The following ZZZ3 variants were observed in gnomAD, a reference collection of about 807,000 sequenced individuals.
The protein encoded by ZZZ3 is ZZ-type zinc finger-containing protein 3.
A neutral mutation model predicts 95.2 loss-of-function variants in ZZZ3; 22 were observed. The ratio of observed to expected loss-of-function variants is 0.23; its 90% CI spans 0.17 to 0.33. The LOEUF (loss-of-function observed/expected upper bound fraction) is 0.33, where lower values mean the gene tolerates loss of function less well. ZZZ3 is among the 10% of genes least tolerant of loss of function. The pLI is 1.00. For synonymous variants in ZZZ3, 335 were observed against 358.9 expected (o/e 0.93, Z 0.75); for missense variants, 885 against 1,066.5 (o/e 0.83, Z 2.37).
intron 5 of ZZZ3, among the ~76,000 whole-genome samples, chr1:77,623,167 C>A (rs1490018354): frequency 6.6e-6 from 1 of 152,114 alleles, no homozygotes; most frequent in Non-Finnish European, 1.5e-5. Flanking sequence ...CTATTATCAC[C>A]CTCTCTTTCT....
At chr1:77,661,930 C>G (rs561657479) in intron 1 of ZZZ3, among the ~76,000 whole-genome samples, 1 of 151,994 alleles carries the variant, frequency 6.6e-6, no homozygotes, top group South Asian at 2.1e-4. Context: ...AATCCTCCCA[C>G]CTAAATCTCC....
chr1:77,585,298 G>A (rs935645376), intron 5 of ZZZ3, among the ~76,000 whole-genome samples: 16 of 152,234 alleles, frequency 1.1e-4, no homozygotes, highest in Admixed American at 9.8e-4. Flanking sequence ...TTTCCTGCTT[G>A]CAAAGGTCCA....
chr1:77,578,916 T>C, intron 10 of ZZZ3, 47 bp from the exon 11 acceptor site: 1 of 1,245,698 alleles, frequency 8.0e-7, no homozygotes, highest in Non-Finnish European at 1.1e-6. Context: ...TGACATACAA[T>C]ACCTGAGTCG....
At chr1:77,593,326 TAATAACCCCA>T (rs1311499834) in intron 5 of ZZZ3, among the ~76,000 whole-genome samples, 1 of 152,208 alleles carries the variant, frequency 6.6e-6, no homozygotes, top group African/African-American at 2.4e-5. Context: ...GCAGCCTTAT[TAATAACCCCA>T]AAGTCCATCT....
In ZZZ3 at chr1:77,633,109, G is replaced by T; in HGVS notation, c.246C>A (p.Ser82Arg). ...AAGAAGAAAGTCCTCTTTTCCTAGG[G>T]CTTACCCATGATTCTCGGGTACTCT... ...KQQSTRESWV[S>R]PRKRGLSSSE... is the part of the protein sequence containing the mutation. The change falls in exon 5 of 15, where the codon AGC (serine) becomes AGA (arginine). Residue 82 changes from serine (S) to arginine (R), a missense_variant. Around this residue, in one of 5 missense-constraint regions of ZZZ3, gnomAD observed 556 missense variants for 652.9 expected, o/e 0.85. Coordinates refer to ENST00000370801, the MANE Select transcript of ZZZ3 (RefSeq NM_015534.6). 1 of 1,613,826 alleles carries T rather than the reference G, an allele frequency of 6.2e-7. No homozygotes were observed.
At chr1:77,610,422 T>G (rs989533106) in intron 5 of ZZZ3, among the ~76,000 whole-genome samples, 1 of 151,774 alleles carries the variant, frequency 6.6e-6, no homozygotes, top group Non-Finnish European at 1.5e-5. Context: ...ACTCAAACTA[T>G]ACCAAAAAAT....
At chr1:77,612,369 C>T (rs1665896188) in intron 5 of ZZZ3, among the ~76,000 whole-genome samples, 1 of 151,876 alleles carries the variant, frequency 6.6e-6, no homozygotes, top group Non-Finnish European at 1.5e-5. Context: ...AACCATTATA[C>T]CAAACAGTAT....
intron 9 of ZZZ3, 72 bp from the exon 10 acceptor site, chr1:77,579,700 C>G: frequency 1.1e-6 from 1 of 881,408 alleles, no homozygotes; most frequent in Non-Finnish European, 1.7e-6. Context: ...TAAATAAATA[C>G]ATTCACATTT....
rs114096465 is a variant in ZZZ3, at chr1:77,619,283, G to T, written c.1505+12567C>A. 2.8e-3 allele frequency among the ~76,000 whole-genome samples: 424 copies of T among 152,204 alleles called. 2 individuals carry two copies. Among genetic ancestry groups the T allele is most frequent in the African/African-American group, 9.6e-3 (399 of 41,550 alleles). On this transcript the variant is annotated intron_variant, in intron 5 of 14. Coordinates refer to ENST00000370801, the MANE Select transcript of ZZZ3 (RefSeq NM_015534.6). ...ACCTCAAATATAGCCCAAACTACAT[G>T]TATGTTAAACTATATGTAGGCTATC... is the stretch of plus-strand genomic sequence containing the variant.
intron 1 of ZZZ3, among the ~76,000 whole-genome samples, chr1:77,666,719 G>A (rs1474597350): frequency 1.3e-5 from 2 of 152,020 alleles, no homozygotes; most frequent in Non-Finnish European, 1.5e-5. Context: ...CATCCTTCAT[G>A]GATATTATAT....
chr1:77,671,981 T>C (rs1350348734), intron 1 of ZZZ3, among the ~76,000 whole-genome samples: 1 of 152,130 alleles, frequency 6.6e-6, no homozygotes, highest in Non-Finnish European at 1.5e-5. Context: ...ATGGACACAC[T>C]GGACAAAGGG....
At chr1:77,658,804 A>C (rs942010527) in intron 1 of ZZZ3, among the ~76,000 whole-genome samples, 1 of 152,156 alleles carries the variant, frequency 6.6e-6, no homozygotes, top group Admixed American at 6.6e-5. Flanking sequence ...TGTACACTCT[A>C]TGTCTGCATT....
chr1:77,612,786 G>A (rs944558571), intron 5 of ZZZ3, among the ~76,000 whole-genome samples: 1 of 151,896 alleles, frequency 6.6e-6, no homozygotes, highest in Non-Finnish European at 1.5e-5. Flanking sequence ...CCACTGGCAG[G>A]GGGGTGGGGA....
chr1:77,633,458 G>A, intron 4 of ZZZ3, 53 bp from the exon 5 acceptor site: 1 of 1,197,556 alleles, frequency 8.4e-7, no homozygotes, highest in Non-Finnish European at 1.1e-6. Context: ...AATATACCCA[G>A]AACGAAAGTA....
At chr1:77,594,735 T>C (rs371445710) in intron 5 of ZZZ3, among the ~76,000 whole-genome samples, 1 of 151,776 alleles carries the variant, frequency 6.6e-6, no homozygotes, top group South Asian at 2.1e-4. Context: ...GCCAAATTTA[T>C]GAACATGAAG....
intron 6 of ZZZ3, among the ~76,000 whole-genome samples, chr1:77,582,329 T>C (rs992220646): frequency 9.2e-5 from 14 of 152,176 alleles, no homozygotes; most frequent in Non-Finnish European, 1.5e-4. Context: ...AAGAAATGAA[T>C]TTAGCAAAAC....
At chr1:77,674,475 CG>C (rs1170917910) in intron 1 of ZZZ3, among the ~76,000 whole-genome samples, 1 of 152,054 alleles carries the variant, frequency 6.6e-6, no homozygotes, top group Non-Finnish European at 1.5e-5. Context: ...CATTAATGAC[CG>C]GAATAAACAC....
chr1:77,669,918 C>G (rs952680710), intron 1 of ZZZ3, among the ~76,000 whole-genome samples: 3 of 151,884 alleles, frequency 2.0e-5, no homozygotes, highest in African/African-American at 7.3e-5. Context: ...TAAAAGAGAT[C>G]ATTTTGGTGT....
At chr1:77,577,852 C>T (rs989109743) in intron 11 of ZZZ3, among the ~76,000 whole-genome samples, 5 of 152,144 alleles carry the variant, frequency 3.3e-5, no homozygotes, top group African/African-American at 1.2e-4. Context: ...AACTCCTGAC[C>T]TCGTGATCCA....
Sources: gnomAD v4.1 joint callset for allele counts (sites outside exome capture counted in the v4.1 genomes callset) on GRCh38, gnomAD v4.1.1 for gene constraint, gnomAD v4.1.1 regional missense constraint, MANE v1.5 for transcripts, NCBI Gene and HGNC (gene_info 2026-07-23, HGNC 2026-07-21) for gene names.